KCNH7: variants seen among roughly 807,000 people sequenced by gnomAD.
KCNH7 encodes voltage-gated inwardly rectifying potassium channel KCNH7.
Under a neutral mutation model 120.8 loss-of-function variants are expected in KCNH7, and 49 were observed. The observed-to-expected ratio is 0.41, with a 90% CI of 0.32 to 0.51. KCNH7 has a LOEUF of 0.51. Ranked by LOEUF, KCNH7 falls within the 20% of genes least tolerant of loss-of-function variation. The pLI is 0.38. For missense variants in KCNH7, 1,097 were observed against 1,446.6 expected (o/e 0.76, Z 3.92); for synonymous variants, 547 against 516.1 (o/e 1.06, Z -0.81).
At chr2:162,694,090 A>G (rs890400544) in intron 2 of KCNH7, among the ~76,000 whole-genome samples, 1 of 152,194 alleles carries the variant, frequency 6.6e-6, no homozygotes, top group African/African-American at 2.4e-5. Flanking sequence ...TTTTAATGAT[A>G]TGTATTCTCA....
chr2:162,720,299 T>TAAAAAA (rs59618789), intron 2 of KCNH7, among the ~76,000 whole-genome samples: 2 of 97,948 alleles, frequency 2.0e-5, no homozygotes, highest in Admixed American at 1.2e-4. Context: ...GATGTGTGAT[T>TAAAAAA]AAAAAAAAAA....
chr2:162,655,725 G>A (rs1042589766), intron 2 of KCNH7, among the ~76,000 whole-genome samples: 4 of 152,184 alleles, frequency 2.6e-5, no homozygotes, highest in African/African-American at 9.6e-5. Context: ...CCTGGGAGGC[G>A]GAGGTTGCAG....
At chr2:162,807,678 GTTTT>G (rs1684597991) in intron 2 of KCNH7, among the ~76,000 whole-genome samples, 2 of 151,734 alleles carry the variant, frequency 1.3e-5, no homozygotes, top group African/African-American at 2.4e-5. Flanking sequence ...TCCATTTTTT[GTTTT>G]GTTTTGTTTT....
intron 2 of KCNH7, among the ~76,000 whole-genome samples, chr2:162,744,802 T>C (rs780578481): frequency 2.0e-5 from 3 of 152,134 alleles, no homozygotes; most frequent in Non-Finnish European, 4.4e-5. Context: ...CTCGGTCTCC[T>C]GACCTCGTGA....
chr2:162,426,605 G>A (rs1357290632), intron 8 of KCNH7, among the ~76,000 whole-genome samples: 1 of 152,068 alleles, frequency 6.6e-6, no homozygotes, highest in Non-Finnish European at 1.5e-5. Context: ...CTGATATGCT[G>A]ACCATACTAA....
intron 9 of KCNH7, among the ~76,000 whole-genome samples, chr2:162,402,009 G>C (rs2105447588): frequency 6.6e-6 from 1 of 151,882 alleles, no homozygotes; most frequent in East Asian, 2.0e-4. Context: ...TGAAGAGTCT[G>C]TATTTCCTTG....
chr2:162,791,127 A>G (rs1683925236), intron 2 of KCNH7, among the ~76,000 whole-genome samples: 1 of 152,118 alleles, frequency 6.6e-6, no homozygotes, highest in Admixed American at 6.6e-5. Context: ...TTCAGAATAA[A>G]AAAGTCAACA....
chr2:162,804,766 CA>C (rs200041293), intron 2 of KCNH7, among the ~76,000 whole-genome samples: 1,496 of 143,360 alleles, frequency 0.01, 30 homozygotes, highest in African/African-American at 0.034. Flanking sequence ...CATATGGAAC[CA>C]AAAAAAAAAA....
At chr2:162,605,628 G>T (rs1682729782) in intron 2 of KCNH7, among the ~76,000 whole-genome samples, 1 of 152,044 alleles carries the variant, frequency 6.6e-6, no homozygotes, top group African/African-American at 2.4e-5. Flanking sequence ...GACTTTTCTT[G>T]TTTTGATTTC....
intron 6 of KCNH7, among the ~76,000 whole-genome samples, chr2:162,493,737 A>C (rs769513840): frequency 3.3e-5 from 5 of 152,230 alleles, no homozygotes; most frequent in Non-Finnish European, 7.3e-5. Flanking sequence ...ACTACTGAAA[A>C]TAGATTTATA....
At chr2:162,389,945 C>G (rs993657391) in intron 12 of KCNH7, among the ~76,000 whole-genome samples, 4 of 151,920 alleles carry the variant, frequency 2.6e-5, no homozygotes, top group Non-Finnish European at 5.9e-5. Flanking sequence ...AACTTTAAGA[C>G]AAACTTTTGA....
At chr2:162,541,068 T>C (rs13422181) in intron 2 of KCNH7, among the ~76,000 whole-genome samples, 25,307 of 152,048 alleles carry the variant, frequency 0.17, 3,581 homozygotes, top group African/African-American at 0.38. Context: ...GGGAAGACTG[T>C]GGAAGAAGGT....
intron 3 of KCNH7, among the ~76,000 whole-genome samples, chr2:162,531,458 T>C (rs958826876): frequency 1.3e-5 from 2 of 151,970 alleles, no homozygotes; most frequent in African/African-American, 4.8e-5. Context: ...GAAACTAAAC[T>C]AGGTATCCAC....
At chr2:162,679,364 A>AAT (rs1218213665) in intron 2 of KCNH7, among the ~76,000 whole-genome samples, 10 of 151,652 alleles carry the variant, frequency 6.6e-5, no homozygotes, top group Admixed American at 4.0e-4. Flanking sequence ...TGTATTTAAT[A>AAT]ATAGAGTAGA....
At chr2:162,665,453 A>G (rs12999234) in intron 2 of KCNH7, among the ~76,000 whole-genome samples, 3,462 of 152,228 alleles carry the variant, frequency 0.023, 74 homozygotes, top group East Asian at 0.11. Flanking sequence ...GCTCACTAAC[A>G]TATTTTTTAT....
intron 2 of KCNH7, among the ~76,000 whole-genome samples, chr2:162,733,664 C>T (rs1383979067): frequency 6.6e-6 from 1 of 152,208 alleles, no homozygotes; most frequent in Non-Finnish European, 1.5e-5. Flanking sequence ...AGAACTTAGC[C>T]TAAGCTAACC....
chr2:162,640,391 C>T (rs1194952665), intron 2 of KCNH7, among the ~76,000 whole-genome samples: 1 of 151,966 alleles, frequency 6.6e-6, no homozygotes, highest in East Asian at 1.9e-4. Context: ...TAGAAATAGA[C>T]CCACATAAAT....
At chr2:162,608,036 C>A (rs1682839547) in intron 2 of KCNH7, among the ~76,000 whole-genome samples, 1 of 152,126 alleles carries the variant, frequency 6.6e-6, no homozygotes, top group South Asian at 2.1e-4. Flanking sequence ...ATTTATATTT[C>A]CTAGACAGTT....
intron 2 of KCNH7, among the ~76,000 whole-genome samples, chr2:162,588,169 C>A (rs1490787550): frequency 6.6e-6 from 1 of 152,008 alleles, no homozygotes; most frequent in Non-Finnish European, 1.5e-5. Flanking sequence ...AATGATGACG[C>A]CACTACTGAC....
Sources: allele counts gnomAD v4.1 joint callset (sites outside exome capture counted in the v4.1 genomes callset), GRCh38; gene constraint gnomAD v4.1.1; transcripts MANE v1.5; gene names NCBI Gene and HGNC (gene_info 2026-07-23, HGNC 2026-07-21).